RIC8B: variants seen among roughly 807,000 people sequenced by gnomAD.
RIC8B encodes RIC8 guanine nucleotide exchange factor B.
A neutral mutation model predicts 57.5 loss-of-function variants in RIC8B; 16 were observed. The ratio of observed to expected loss-of-function variants is 0.28; its 90% CI spans 0.19 to 0.42. The LOEUF (loss-of-function observed/expected upper bound fraction) is 0.42, where lower values mean the gene tolerates loss of function less well. Ranked by LOEUF, RIC8B falls within the 10% of genes least tolerant of loss-of-function variation. RIC8B has a pLI of 1.00. For synonymous variants in RIC8B, 216 were observed against 250.8 expected (o/e 0.86, Z 1.31); for missense variants, 481 against 677.0 (o/e 0.71, Z 3.21).
intron 4 of RIC8B, among the ~76,000 whole-genome samples, chr12:106,840,043 CA>C (rs769172207): frequency 3.3e-5 from 5 of 151,812 alleles, no homozygotes; most frequent in Non-Finnish European, 7.4e-5. Context: ...ATAAAGAGGG[CA>C]AAAGGAAAAT....
intron 8 of RIC8B, among the ~76,000 whole-genome samples, chr12:106,865,370 C>CCAAT (rs1230088256): frequency 4.6e-5 from 7 of 152,240 alleles, no homozygotes; most frequent in African/African-American, 1.7e-4. Flanking sequence ...TGTTTCAAAG[C>CCAAT]CAATCAAAGA....
chr12:106,775,038 C>T (rs1482001452), intron 1 of RIC8B: 2 of 563,210 alleles, frequency 3.6e-6, no homozygotes, highest in African/African-American at 1.9e-5. Flanking sequence ...GCGCCCACTC[C>T]TCTGATTCCT....
intron 9 of RIC8B, chr12:106,871,343 T>TA (rs1472040640): frequency 6.5e-6 from 1 of 152,838 alleles, no homozygotes; most frequent in Admixed American, 6.5e-5. Flanking sequence ...AGTTTGCAAT[T>TA]ACGCCTTTTT....
rs1295179468 is a variant in RIC8B at position 106,856,616 on chromosome 12, T to G, written c.1307-3652T>G. On this transcript the variant is annotated intron_variant, in intron 7 of 9. Coordinates refer to ENST00000392837, the MANE Select transcript of RIC8B (RefSeq NM_001330145.2). Reference sequence around the variant, plus strand: ...AGGCAGAGTTCGTCATTTTCTCCTTTGTGCCATTTTTCCTTCTCTGTTGTT... The same window carrying G: ...AGGCAGAGTTCGTCATTTTCTCCTTGGTGCCATTTTTCCTTCTCTGTTGTT... 5.3e-5 allele frequency among the ~76,000 whole-genome samples: 8 copies of G among 152,228 alleles called. No individual in the cohort carries two copies. The East Asian group carries it at 1.5e-3, about 29-fold the overall frequency.
chr12:106,781,116 G>A (rs1213115180), intron 1 of RIC8B, among the ~76,000 whole-genome samples: 8 of 152,048 alleles, frequency 5.3e-5, no homozygotes. Context: ...ATTGAACAAT[G>A]GTTTAACTCT....
intron 2 of RIC8B, among the ~76,000 whole-genome samples, chr12:106,792,202 G>T (rs528577047): frequency 6.6e-6 from 1 of 152,304 alleles, no homozygotes; most frequent in South Asian, 2.1e-4. Context: ...ACTTAGGTCT[G>T]GGTTGTATCA....
At chr12:106,803,237 A>AAAAAAAAC (rs2044834237) in intron 2 of RIC8B, among the ~76,000 whole-genome samples, 1 of 151,208 alleles carries the variant, frequency 6.6e-6, no homozygotes, top group African/African-American at 2.4e-5. Context: ...AAAAAAAAAA[A>AAAAAAAAC]AGCAAGTTTC....
chr12:106,813,136 T>C (rs2045410687), intron 2 of RIC8B, among the ~76,000 whole-genome samples: 1 of 152,034 alleles, frequency 6.6e-6, no homozygotes, highest in Non-Finnish European at 1.5e-5. Context: ...AATCTAGTGA[T>C]GTCTTCAAGT....
At position 106,867,097 on chromosome 12, in the gene RIC8B, T is replaced by A. The variant is rs1950173942; in HGVS notation, c.1452-3726T>A. Among the ~76,000 whole-genome samples, 1 of 152,250 alleles carries A rather than the reference T, an allele frequency of 6.6e-6. No individual in the cohort carries two copies. The highest frequency in any genetic ancestry group is 2.1e-4 in the South Asian group (1 of 4,832). On this transcript the variant is annotated intron_variant, in intron 8 of 9. Transcript: ENST00000392837. This position sits in a 1 kb window ranked among gnomAD's most constrained non-coding sequence, Gnocchi z 4.3. ...TATAGCCGAATTAAGTTTTAATGGA[T>A]CTTTTTTGTTAAATGACCTAGTACT...
At chr12:106,850,448 G>C (rs1192248290) in intron 6 of RIC8B, among the ~76,000 whole-genome samples, 1 of 152,228 alleles carries the variant, frequency 6.6e-6, no homozygotes, top group Non-Finnish European at 1.5e-5. Flanking sequence ...CAACCAATGA[G>C]ATAGGAGGAG....
chr12:106,824,861 C>G (rs1023482779), intron 3 of RIC8B, among the ~76,000 whole-genome samples: 4 of 149,568 alleles, frequency 2.7e-5, no homozygotes, highest in Non-Finnish European at 6.0e-5. Context: ...GAGCCGAGAT[C>G]ACACCATTGT....
intron 1 of RIC8B, among the ~76,000 whole-genome samples, chr12:106,775,825 A>G (rs1163444714): frequency 6.6e-6 from 1 of 152,232 alleles, no homozygotes; most frequent in Non-Finnish European, 1.5e-5. Context: ...CTGTGAAAAC[A>G]CACCCAACAC....
intron 8 of RIC8B, among the ~76,000 whole-genome samples, chr12:106,861,488 T>A (rs1949933122): frequency 6.6e-6 from 1 of 152,010 alleles, no homozygotes; most frequent in Admixed American, 6.6e-5. Context: ...GCATCCCCAA[T>A]GCCATCAGCC....
In RIC8B at chr12:106,839,569, A is replaced by T. The variant is rs74488512; in HGVS notation, c.837-3020A>T. ...TAAATGGGGAGGTGTCAGTCAAAAGATACAAAGTTTTAGTTATGCAAGATA... is the reference window on the plus strand; with the variant it reads ...TAAATGGGGAGGTGTCAGTCAAAAGTTACAAAGTTTTAGTTATGCAAGATA... On this transcript the variant is annotated intron_variant, in intron 4 of 9. Transcript: ENST00000392837. 4.5e-4 allele frequency among the ~76,000 whole-genome samples: 69 copies of T among 152,292 alleles called. 1 individual carries two copies. In the East Asian group the frequency reaches 0.013, roughly 29 times the overall value.
chr12:106,818,453 C>T (rs186890860), intron 3 of RIC8B, among the ~76,000 whole-genome samples: 12 of 151,984 alleles, frequency 7.9e-5, no homozygotes, highest in Admixed American at 3.3e-4. Flanking sequence ...CATGAGCCAC[C>T]GCGCCCGGCC....
intron 7 of RIC8B, among the ~76,000 whole-genome samples, chr12:106,854,312 T>TTAAAATAAAA (rs146367995): frequency 2.6e-5 from 4 of 151,938 alleles, no homozygotes; most frequent in African/African-American, 9.7e-5. Flanking sequence ...AGGTAGACTA[T>TTAAAATAAAA]TAAAATAAAA....
chr12:106,836,606 C>T (rs1327615351), intron 4 of RIC8B, among the ~76,000 whole-genome samples: 1 of 152,178 alleles, frequency 6.6e-6, no homozygotes, highest in Non-Finnish European at 1.5e-5. Context: ...CATTATGTAT[C>T]GAATGAACCA....
chr12:106,848,265 CTG>C (rs1393072653), intron 6 of RIC8B, among the ~76,000 whole-genome samples: 2 of 152,144 alleles, frequency 1.3e-5, no homozygotes, highest in African/African-American at 4.8e-5. Flanking sequence ...CCATGGAGGT[CTG>C]TGTGTCTGTA....
intron 9 of RIC8B, chr12:106,872,913 A>C (rs575752237): frequency 1.9e-6 from 1 of 531,340 alleles, no homozygotes; most frequent in African/African-American, 2.1e-5. Flanking sequence ...TAACTGCCTA[A>C]GACTACACAG....
Sources: allele counts gnomAD v4.1 joint callset (sites outside exome capture counted in the v4.1 genomes callset), GRCh38; gene constraint gnomAD v4.1.1; non-coding constraint Gnocchi (gnomAD v3.1); transcripts MANE v1.5; gene names NCBI Gene and HGNC (gene_info 2026-07-23, HGNC 2026-07-21).